Variants in KIZ observed in about 807,000 individuals in gnomAD.
The protein encoded by KIZ is kizuna centrosomal protein.
Under a neutral mutation model 79.6 loss-of-function variants are expected in KIZ, and 68 were observed. The observed-to-expected ratio is 0.85, with a 90% CI of 0.70 to 1.05. KIZ has a LOEUF of 1.05. Ranked by LOEUF, KIZ falls within the 50% of genes least tolerant of loss-of-function variation. The pLI is 0.00. For missense variants in KIZ, 797 were observed against 800.4 expected (o/e 1.00, Z 0.05); for synonymous variants, 280 against 281.8 (o/e 0.99, Z 0.06).
chr20:21,142,143 T>C (rs2032586733), intron 3 of KIZ, among the ~76,000 whole-genome samples: 1 of 151,950 alleles, frequency 6.6e-6, no homozygotes, highest in Non-Finnish European at 1.5e-5. Context: ...GCACCCGCGG[T>C]GCTTTAAGCA....
intron 1 of KIZ, among the ~76,000 whole-genome samples, chr20:21,128,641 G>C (rs1263167736): frequency 6.6e-6 from 1 of 152,236 alleles, no homozygotes; most frequent in Non-Finnish European, 1.5e-5. Flanking sequence ...TGTGGTGAAA[G>C]TCAATAATTG....
intron 6 of KIZ, among the ~76,000 whole-genome samples, chr20:21,185,552 G>T (rs1186121702): frequency 6.6e-6 from 1 of 151,114 alleles, no homozygotes; most frequent in African/African-American, 2.4e-5. Context: ...TGGGATTACA[G>T]GCAGCCACCA....
At chr20:21,232,980 T>G (rs1336256537) in intron 11 of KIZ, 150 bp downstream of exon 11, 1 of 601,550 alleles carries the variant, frequency 1.7e-6, no homozygotes, top group Non-Finnish European at 3.0e-6. Context: ...AGTTGAAACT[T>G]TAGTCTACCT....
At chr20:21,169,630 G>C (rs1009711525) in intron 6 of KIZ, among the ~76,000 whole-genome samples, 1 of 152,148 alleles carries the variant, frequency 6.6e-6, no homozygotes, top group Admixed American at 6.5e-5. Context: ...ACATGCAGAC[G>C]TATGTTTGTT....
intron 2 of KIZ, among the ~76,000 whole-genome samples, chr20:21,135,574 G>T (rs573749754): frequency 6.6e-6 from 1 of 152,298 alleles, no homozygotes; most frequent in Non-Finnish European, 1.5e-5. Flanking sequence ...TTTGTTTTGA[G>T]GGTGAATATT....
chr20:21,136,547 C>A lies in KIZ; in HGVS notation c.310C>A (p.Leu104Met). 1 of 1,546,634 alleles carries A rather than the reference C, an allele frequency of 6.5e-7. No individual in the cohort carries two copies. The highest frequency in any genetic ancestry group is 8.7e-7 in the Non-Finnish European group (1 of 1,150,086). Reference sequence around the variant, plus strand: ...CACAAATACAGAGAAGCTTCAAAAACTGAAGGTGACTTCCTGTTTTTTACT... The same window carrying A: ...CACAAATACAGAGAAGCTTCAAAAAATGAAGGTGACTTCCTGTTTTTTACT... ...FTTNTEKLQKLKLEYETQIKK... is the reference protein window; with the variant it reads ...FTTNTEKLQKMKLEYETQIKK... Residue 104 changes from leucine (L) to methionine (M), a missense_variant, in exon 3 of 13, where the codon CTG becomes ATG. Physicochemically the swap from Leu to Met is conservative, Grantham distance 15. Coordinates refer to ENST00000619189, the MANE Select transcript of KIZ (RefSeq NM_018474.6).
intron 6 of KIZ, among the ~76,000 whole-genome samples, chr20:21,204,276 C>A (rs1339169283): frequency 2.0e-5 from 3 of 150,370 alleles, no homozygotes; most frequent in Non-Finnish European, 4.4e-5. Flanking sequence ...CCACTACGCC[C>A]GGCTAATTTT....
At chr20:21,170,759 C>T (rs150173735) in intron 6 of KIZ, among the ~76,000 whole-genome samples, 24 of 152,156 alleles carry the variant, frequency 1.6e-4, no homozygotes, top group African/African-American at 4.1e-4. Flanking sequence ...CACTTCTCTC[C>T]GCCCCCGAAC....
At chr20:21,182,670 A>T (rs527481433) in intron 6 of KIZ, among the ~76,000 whole-genome samples, 19 of 151,876 alleles carry the variant, frequency 1.3e-4, no homozygotes, top group African/African-American at 3.4e-4. Flanking sequence ...GTTGGTGTGC[A>T]TCTGTAATCT....
In KIZ at chr20:21,229,040, GCCACCCTTCAGGATAATA is replaced by G; in HGVS notation, c.1710_1727del (p.Thr571_Thr576del). The G allele has an allele frequency of 2.5e-6, 4 of 1,610,596 alleles. No homozygotes were observed. Among genetic ancestry groups the G allele is most frequent in the Non-Finnish European group, 3.4e-6 (4 of 1,177,504 alleles). On this transcript the variant is annotated inframe_deletion, in exon 10 of 13. Transcript: ENST00000619189. The stretch of plus-strand genomic sequence containing the variant: ...AGAAGCCTATCAGTTGCTGAAGAAG[GCCACCCTTCAGGATAATA>G]CAAATCAAACTGAAAACAGGTTTCA...
chr20:21,213,600 T>C (rs1043920796), intron 7 of KIZ: 3 of 152,146 alleles, frequency 2.0e-5, no homozygotes, highest in African/African-American at 7.2e-5. Context: ...CACCTGTCAA[T>C]AGGAAATGAG....
chr20:21,228,978 T>G, intron 9 of KIZ, 33 bp from the exon 10 acceptor site: 1 of 1,227,960 alleles, frequency 8.1e-7, no homozygotes, highest in Non-Finnish European at 1.2e-6. Context: ...CAGTAAAAAA[T>G]GTAATATTTC....
Position 21,162,905 on chromosome 20 carries a change from AGAG to A in KIZ, c.1107_1109del (p.Glu370del). The A allele has an allele frequency of 6.2e-7, 1 of 1,613,720 alleles. No homozygotes were observed. Among genetic ancestry groups the A allele is most frequent in the African/African-American group, 1.3e-5 (1 of 75,042 alleles). On this transcript the variant is annotated inframe_deletion, in exon 6 of 13. Transcript: ENST00000619189. ...AAAAGCCCTTCAGAAAAATGCAGGA[AGAG>A]GAGGAGGAAAGTTGGAGCACCAGCA... is the stretch of plus-strand genomic sequence containing the variant.
intron 11 of KIZ, among the ~76,000 whole-genome samples, chr20:21,242,834 A>T (rs745530512): frequency 6.6e-6 from 1 of 151,956 alleles, no homozygotes; most frequent in Admixed American, 6.6e-5. Context: ...AGCTCCCCCA[A>T]TCACCTGCCA....
chr20:21,198,050 A>G (rs2123099788), intron 6 of KIZ: 1 of 152,220 alleles, frequency 6.6e-6, no homozygotes, highest in South Asian at 2.1e-4. Context: ...CAATCCTCTT[A>G]TTAATTTTTT....
chr20:21,132,115 C>T lies in KIZ; in HGVS notation c.108C>T (p.Asp36=), dbSNP rs1344686152. The change falls in exon 2 of 13, where the codon GAC becomes GAT. Residue 36 remains aspartate, a synonymous_variant. Coordinates refer to ENST00000619189, the MANE Select transcript of KIZ (RefSeq NM_018474.6). ...GLRDSEKKRL[D]LEKKLYEYNQ... ...ATTATAGTGAAAAGAAGAGATTGGA[C>T]CTGGAAAAGAAACTTTATGAATATA... The T allele has an allele frequency of 1.1e-5, 16 of 1,426,204 alleles. No individual in the cohort carries two copies. The highest frequency in any genetic ancestry group is 1.4e-5 in the Non-Finnish European group (15 of 1,038,542). 88.3% of individuals were successfully genotyped at this position (1,426,204 alleles called of 1,614,324 possible). A position where few individuals can be genotyped will look rare whatever the true frequency, so the allele number is the denominator to read the frequency against.
rs141803588 is a variant in KIZ, at chr20:21,237,533, G to T, written c.1880+4703G>T. Among the ~76,000 whole-genome samples the T allele has an allele frequency of 3.2e-4, 49 of 152,096 alleles. No individual in the cohort carries two copies. In the East Asian group the frequency reaches 8.5e-3, roughly 26 times the overall value. On this transcript the variant is annotated intron_variant, in intron 11 of 12. Coordinates refer to ENST00000619189, the MANE Select transcript of KIZ (RefSeq NM_018474.6). ...GCACACTGCACACCCTTCCCAGCCA[G>T]CTCCCCTTGTCCCCCTGCTGAAGAA...
intron 2 of KIZ, among the ~76,000 whole-genome samples, chr20:21,133,771 T>C (rs958776860): frequency 2.0e-5 from 3 of 152,230 alleles, no homozygotes; most frequent in African/African-American, 7.2e-5. Context: ...AGAGCAGGGC[T>C]GGGCTGACCG....
chr20:21,212,988 C>T (rs1373812306), intron 7 of KIZ, among the ~76,000 whole-genome samples: 3 of 152,144 alleles, frequency 2.0e-5, no homozygotes, highest in Non-Finnish European at 2.9e-5. Flanking sequence ...AGGAAAAGCC[C>T]CTGGTCACTA....
Sources: gnomAD v4.1 joint callset for allele counts (sites outside exome capture counted in the v4.1 genomes callset) on GRCh38, gnomAD v4.1.1 for gene constraint, MANE v1.5 for transcripts, NCBI Gene and HGNC (gene_info 2026-07-23, HGNC 2026-07-21) for gene names.